The following TSPAN9 variants were observed in gnomAD, a reference collection of about 807,000 sequenced individuals.
TSPAN9 encodes the protein tetraspanin 9, also known as tetraspanin-9.
A neutral mutation model predicts 31.0 loss-of-function variants in TSPAN9; 16 were observed. The ratio of observed to expected loss-of-function variants is 0.52; its 90% CI spans 0.35 to 0.78. TSPAN9 has a LOEUF of 0.78. Among genes scored for constraint, TSPAN9 ranks in the 30% least tolerant of loss-of-function variants. TSPAN9 has a pLI of 0.01. For missense variants in TSPAN9, 272 were observed against 312.5 expected (o/e 0.87, Z 0.98); for synonymous variants, 145 against 121.6 (o/e 1.19, Z -1.27).
intron 2 of TSPAN9, among the ~76,000 whole-genome samples, chr12:3,111,534 C>T (rs563711325): frequency 2.6e-5 from 4 of 151,658 alleles, no homozygotes; most frequent in Admixed American, 2.6e-4. Flanking sequence ...AACTGCTCTC[C>T]TTTACTGTGT....
At chr12:3,235,474 AGTACAT>A (rs1436419498) in intron 3 of TSPAN9, among the ~76,000 whole-genome samples, 1 of 151,586 alleles carries the variant, frequency 6.6e-6, no homozygotes, top group African/African-American at 2.4e-5. Flanking sequence ...ATGGGGCAAA[AGTACAT>A]ATGCCCCAGG....
intron 2 of TSPAN9, among the ~76,000 whole-genome samples, chr12:3,185,696 T>G (rs535452794): frequency 6.6e-6 from 1 of 152,332 alleles, no homozygotes; most frequent in African/African-American, 2.4e-5. Context: ...GCTGGGCATG[T>G]GGGGAGCCCG....
At chr12:3,174,801 C>T (rs899758434) in intron 2 of TSPAN9, among the ~76,000 whole-genome samples, 7 of 150,636 alleles carry the variant, frequency 4.6e-5, no homozygotes, top group Admixed American at 2.0e-4. Context: ...CCAGGATGGT[C>T]TCGATCTCCT....
intron 2 of TSPAN9, among the ~76,000 whole-genome samples, chr12:3,190,006 T>C (rs2098363485): frequency 6.6e-6 from 1 of 152,182 alleles, no homozygotes; most frequent in African/African-American, 2.4e-5. Context: ...CTCCCTCCCA[T>C]GAGGGCTGCA....
intron 2 of TSPAN9, among the ~76,000 whole-genome samples, chr12:3,096,008 C>T (rs531441728): frequency 2.5e-4 from 37 of 148,400 alleles, no homozygotes; most frequent in Non-Finnish European, 4.3e-4. Flanking sequence ...CCTCGGGCCC[C>T]GCGGGGCCTG....
At chr12:3,204,695 C>G (rs989469917) in intron 3 of TSPAN9, among the ~76,000 whole-genome samples, 1 of 152,118 alleles carries the variant, frequency 6.6e-6, no homozygotes, top group Non-Finnish European at 1.5e-5. Context: ...TCTTCTGCAT[C>G]CCCTGCCCCG....
chr12:3,218,339 T>G (rs2098382472), intron 3 of TSPAN9, among the ~76,000 whole-genome samples: 1 of 152,118 alleles, frequency 6.6e-6, no homozygotes, highest in African/African-American at 2.4e-5. Flanking sequence ...GGAGGAGGCG[T>G]GTTCTCTGCT....
intron 3 of TSPAN9, among the ~76,000 whole-genome samples, chr12:3,218,692 T>TG (rs2098382666): frequency 1.3e-5 from 2 of 152,218 alleles, no homozygotes; most frequent in Admixed American, 1.3e-4. Context: ...ACTCTAGCAC[T>TG]GGGGGCTGAG....
intron 3 of TSPAN9, chr12:3,212,056 C>G: frequency 1.7e-6 from 1 of 588,644 alleles, no homozygotes; most frequent in South Asian, 2.2e-5. Flanking sequence ...ATCGGAACCT[C>G]TGCCTCCCAG....
At chr12:3,158,443 A>G (rs2098343402) in intron 2 of TSPAN9, among the ~76,000 whole-genome samples, 1 of 152,122 alleles carries the variant, frequency 6.6e-6, no homozygotes, top group South Asian at 2.1e-4. Context: ...TGCATAAAGC[A>G]TAGGCTTCCG....
intron 3 of TSPAN9, among the ~76,000 whole-genome samples, chr12:3,243,715 G>T (rs1371460654): frequency 6.6e-6 from 1 of 152,150 alleles, no homozygotes; most frequent in Non-Finnish European, 1.5e-5. Context: ...CCGTGGTCTG[G>T]TCTTGCCCAG....
At chr12:3,214,671 C>A (rs1159686770) in intron 3 of TSPAN9, among the ~76,000 whole-genome samples, 3 of 152,060 alleles carry the variant, frequency 2.0e-5, no homozygotes, top group Non-Finnish European at 2.9e-5. Flanking sequence ...AACACGCCCT[C>A]CCCCCTGCAG....
At position 3,200,947 on chromosome 12, in the gene TSPAN9, T is replaced by G. The variant is rs553851381; in HGVS notation, c.-17-230T>G. 60 of 473,980 alleles carry G rather than the reference T, an allele frequency of 1.3e-4. 1 individual carries two copies. In the South Asian group the frequency reaches 1.9e-3, roughly 15 times the overall value. The allele number at this position is 473,980 out of a possible 1,614,324, so 29.4% of individuals were successfully genotyped here. On this transcript the variant is annotated intron_variant, in intron 2 of 8. Transcript: ENST00000011898. ...TGGAGAAGTCGAGTAGCGAGGATTCTTCGATCCATCGGAGTCCATCTTTGG... is the reference window on the plus strand; with the variant it reads ...TGGAGAAGTCGAGTAGCGAGGATTCGTCGATCCATCGGAGTCCATCTTTGG...
chr12:3,171,785 G>T (rs1214397353), intron 2 of TSPAN9: 1 of 152,200 alleles, frequency 6.6e-6, no homozygotes, highest in African/African-American at 2.4e-5. Flanking sequence ...GTGACCAGAT[G>T]GTGGTTCTGC....
intron 3 of TSPAN9, among the ~76,000 whole-genome samples, chr12:3,243,569 G>A (rs1358123835): frequency 1.3e-5 from 2 of 152,198 alleles, no homozygotes; most frequent in East Asian, 1.9e-4. Flanking sequence ...AGCAGCTTAG[G>A]GCACAGCCAG....
Position 3,280,524 on chromosome 12 carries a change from G to C in TSPAN9, c.432+41G>C, listed in dbSNP as rs189755506. ...CCCTGGTGGGGCCAGGCAGGGAGGA[G>C]GGGTGGCGGCCGGTACTTCTAGCTG... On this transcript the variant is annotated intron_variant, in intron 6 of 8. Coordinates refer to ENST00000011898, the MANE Select transcript of TSPAN9 (RefSeq NM_006675.5). This position sits in a 1 kb window ranked among gnomAD's most constrained non-coding sequence, Gnocchi z 4.5. The C allele has an allele frequency of 2.5e-6, 4 of 1,577,572 alleles. No homozygotes were observed. Among genetic ancestry groups the C allele is most frequent in the East Asian group, 2.3e-5 (1 of 44,258 alleles).
chr12:3,142,067 G>A (rs1317697369), intron 2 of TSPAN9, among the ~76,000 whole-genome samples: 3 of 152,198 alleles, frequency 2.0e-5, no homozygotes, highest in Non-Finnish European at 4.4e-5. Flanking sequence ...GGAATCCTGT[G>A]TGACAGGTGC....
At chr12:3,210,261 C>T (rs575688808) in intron 3 of TSPAN9, among the ~76,000 whole-genome samples, 198 of 152,272 alleles carry the variant, frequency 1.3e-3, no homozygotes, top group Non-Finnish European at 2.0e-3. Flanking sequence ...GTACCTGCCA[C>T]CTTTCCTAGA....
At chr12:3,103,379 C>T (rs1565576404) in intron 2 of TSPAN9, among the ~76,000 whole-genome samples, 1 of 152,288 alleles carries the variant, frequency 6.6e-6, no homozygotes, top group East Asian at 1.9e-4. Context: ...TCCTCACGTG[C>T]TTATCTGTAT....
Sources: allele counts gnomAD v4.1 joint callset (sites outside exome capture counted in the v4.1 genomes callset), GRCh38; gene constraint gnomAD v4.1.1; non-coding constraint Gnocchi (gnomAD v3.1); transcripts MANE v1.5; gene names NCBI Gene and HGNC (gene_info 2026-07-23, HGNC 2026-07-21).